The following PKHD1L1 variants were observed in gnomAD, a reference collection of about 807,000 sequenced individuals.
PKHD1L1 encodes fibrocystin-L.
Under a neutral mutation model 462.9 loss-of-function variants are expected in PKHD1L1, and 434 were observed. The ratio of observed to expected loss-of-function variants is 0.94; its 90% CI spans 0.87 to 1.02. PKHD1L1 has a LOEUF of 1.02. Among genes scored for constraint, PKHD1L1 ranks in the 50% least tolerant of loss-of-function variants. The pLI is 0.00. For synonymous variants in PKHD1L1, 1,781 were observed against 1,750.0 expected, an observed-to-expected ratio of 1.02 and a Z score of -0.44; for missense variants, 5,202 against 5,096.1, an observed-to-expected ratio of 1.02 and a Z score of -0.63.
Position 109,459,706 on chromosome 8 carries a change from A to G in PKHD1L1, c.7116A>G (p.Thr2372=). The G allele has an allele frequency of 6.2e-7, 1 of 1,612,018 alleles. No homozygotes were observed. The highest frequency in any genetic ancestry group is 1.1e-5 in the South Asian group (1 of 90,852). The change falls in exon 47 of 78, where the codon ACA becomes ACG. Residue 2372 remains threonine, a synonymous_variant. Transcript: ENST00000378402. ...ACACACACTTAGGAATTACGGTCAC[A>G]CTCCCTGATGGAACTCTGTTTGAAG... The part of the protein sequence containing the change: ...LNYTHLGITV[T]LPDGTLFEAR...
chr8:109,385,898 G>T (rs1287240012), intron 6 of PKHD1L1, among the ~76,000 whole-genome samples: 1 of 152,062 alleles, frequency 6.6e-6, no homozygotes, highest in Non-Finnish European at 1.5e-5. Context: ...ACACAGACAA[G>T]TCCAATAGTA....
chr8:109,482,479 T>C (rs1818320672), intron 56 of PKHD1L1, among the ~76,000 whole-genome samples: 1 of 151,810 alleles, frequency 6.6e-6, no homozygotes, highest in Admixed American at 6.6e-5. Context: ...ATGTTTTTTA[T>C]CTATGCCTAT....
rs1586679364 is a variant in PKHD1L1 at position 109,535,578 on chromosome 8, C to T, written c.*5488C>T. 1.3e-5 allele frequency among the ~76,000 whole-genome samples: 2 copies of T among 151,938 alleles called. No homozygotes were observed. Among genetic ancestry groups the T allele is most frequent in the Non-Finnish European group, 2.9e-5 (2 of 67,972 alleles). On this transcript the variant is annotated 3_prime_UTR_variant, in exon 78 of 78. Transcript: ENST00000378402. ...GGGCATGGGTGGTTAGAGGGAGATC[C>T]CCAAACAAACAATTCAAAATTAAGA...
intron 67 of PKHD1L1, among the ~76,000 whole-genome samples, chr8:109,502,334 T>C (rs1439405747): frequency 6.6e-6 from 1 of 152,200 alleles, no homozygotes; most frequent in Non-Finnish European, 1.5e-5. Flanking sequence ...GAACAGGTCC[T>C]GTGGAAGATA....
At chr8:109,529,972 T>TGGAGACAAGAA in intron 77 of PKHD1L1, 108 bp from the exon 78 acceptor site, 1 of 652,604 alleles carries the variant, frequency 1.5e-6, no homozygotes. Context: ...GAAATACTGC[T>TGGAGACAAGAA]AACTGTACCA....
At chr8:109,496,009 C>T (rs1783162) in intron 63 of PKHD1L1, among the ~76,000 whole-genome samples, 66,437 of 152,012 alleles carry the variant, frequency 0.44, 15,030 homozygotes, top group South Asian at 0.58. Flanking sequence ...TATTTCCTTT[C>T]ATTTTGAAAC....
rs946109616 is a variant in PKHD1L1, at chr8:109,491,162, C to T, written c.10114+61C>T. ...CTGTGGAGGCTTTCTTATCTATATA[C>T]TCTAGAGCTACACTGCCCAATTGAT... On this transcript the variant is annotated intron_variant, in intron 61 of 77. Coordinates refer to ENST00000378402, the MANE Select transcript of PKHD1L1 (RefSeq NM_177531.6). 2.0e-6 allele frequency: 3 copies of T among 1,487,610 alleles called. No homozygotes were observed. In the Admixed American group the frequency reaches 5.4e-5, roughly 27 times the overall value. The allele number at this position is 1,487,610 out of a possible 1,614,324, so 92.2% of individuals were successfully genotyped here.
At chr8:109,377,551 A>G (rs1440969200) in intron 2 of PKHD1L1, among the ~76,000 whole-genome samples, 1 of 152,168 alleles carries the variant, frequency 6.6e-6, no homozygotes, top group African/African-American at 2.4e-5. Context: ...ACTGTTAAGA[A>G]CCTGTGATAG....
At chr8:109,520,031 T>G (rs1820468201) in intron 73 of PKHD1L1, among the ~76,000 whole-genome samples, 1 of 152,134 alleles carries the variant, frequency 6.6e-6, no homozygotes, top group African/African-American at 2.4e-5. Context: ...ACTCTGGAAT[T>G]CTATCAGCTA....
chr8:109,532,050 A>G lies in PKHD1L1; in HGVS notation c.*1960A>G, dbSNP rs545026008. 6.6e-6 allele frequency among the ~76,000 whole-genome samples: 1 copy of G among 152,320 alleles called. No individual in the cohort carries two copies. The highest frequency in any genetic ancestry group is 1.5e-5 in the Non-Finnish European group (1 of 68,036). ...TTTGGGTTCTGGAAGAGATACAAAA[A>G]TATTCTTCACACCAGAACATTGTAA... On this transcript the variant is annotated 3_prime_UTR_variant, in exon 78 of 78. Transcript: ENST00000378402.
intron 23 of PKHD1L1, among the ~76,000 whole-genome samples, chr8:109,424,065 T>C (rs1472760053): frequency 6.6e-6 from 1 of 152,186 alleles, no homozygotes; most frequent in African/African-American, 2.4e-5. Context: ...CACACCCAAA[T>C]GAAGATAATC....
At chr8:109,484,981 T>A (rs1259037455) in intron 57 of PKHD1L1, 63 bp from the exon 58 acceptor site, 1 of 1,305,774 alleles carries the variant, frequency 7.7e-7, no homozygotes, top group Non-Finnish European at 1.0e-6. Flanking sequence ...TTAATAATGA[T>A]ATCAAGAAAT....
rs868163427 is a variant in PKHD1L1 at position 109,502,597 on chromosome 8, G to A, written c.10829-1730G>A. 7.2e-5 allele frequency among the ~76,000 whole-genome samples: 11 copies of A among 152,184 alleles called. No homozygotes were observed. In the East Asian group the frequency reaches 1.9e-3, roughly 27 times the overall value. On this transcript the variant is annotated intron_variant, in intron 67 of 77. Transcript: ENST00000378402. ...ACCCAACCATCTCTTAAGTTGTAAGGTTCCTCTGATCTTACACTTAGATCC... is the reference window on the plus strand; with the variant it reads ...ACCCAACCATCTCTTAAGTTGTAAGATTCCTCTGATCTTACACTTAGATCC...
At position 109,412,265 on chromosome 8, in the gene PKHD1L1, G is replaced by A. The variant is rs1377398368; in HGVS notation, c.2086G>A (p.Glu696Lys). The A allele has an allele frequency of 6.2e-7, 1 of 1,612,414 alleles. No individual in the cohort carries two copies. Among genetic ancestry groups the A allele is most frequent in the Non-Finnish European group, 8.5e-7 (1 of 1,179,322 alleles). Residue 696 changes from glutamate (E) to lysine (K), a missense_variant and splice_region_variant, in exon 20 of 78, where the codon GAA (glutamate) becomes AAA (lysine). Glu to Lys is a moderately conservative substitution (Grantham distance 56). This residue lies in a region of PKHD1L1 where 4,497 missense variants were observed against 4,336.8 expected (regional missense o/e 1.04). Transcript: ENST00000378402. ...ATTTGAAATATTATTGTTTCGGTAG[G>A]AACATATTAACAGAGGGCAGAAGAC... Reference protein sequence around the residue: ...FRDYETDFNLEHINRGQKTAE... With the variant: ...FRDYETDFNLKHINRGQKTAE...
chr8:109,445,381 C>T lies in PKHD1L1; in HGVS notation c.5512C>T (p.Pro1838Ser), dbSNP rs758884975. The T allele has an allele frequency of 6.2e-7, 1 of 1,613,946 alleles. No homozygotes were observed. The highest frequency in any genetic ancestry group is 8.5e-7 in the Non-Finnish European group (1 of 1,179,884). The change falls in exon 38 of 78, where the codon CCA (proline) becomes TCA (serine). Residue 1838 changes from proline to serine, a missense_variant. This residue lies in a region of PKHD1L1 where 4,497 missense variants were observed against 4,336.8 expected (regional missense o/e 1.04). Transcript: ENST00000378402. ...VSSPPVASLS[P>S]TSGSIGGGTT... The stretch of plus-strand genomic sequence containing the variant: ...CAGCCCCCCAGTAGCATCTCTATCA[C>T]CAACTTCTGGAAGCATTGGTGGTGG...
chr8:109,435,563 C>T (rs868189998), intron 29 of PKHD1L1, among the ~76,000 whole-genome samples: 1 of 152,198 alleles, frequency 6.6e-6, no homozygotes, highest in Non-Finnish European at 1.5e-5. Flanking sequence ...CTTATACTTA[C>T]ATCTTAGGTT....
intron 50 of PKHD1L1, among the ~76,000 whole-genome samples, chr8:109,473,108 G>A (rs1817806849): frequency 6.6e-6 from 1 of 152,076 alleles, no homozygotes; most frequent in African/African-American, 2.4e-5. Context: ...TGAAATGAGT[G>A]CAGCTTAAAA....
chr8:109,368,734 C>T (rs2130318101), intron 2 of PKHD1L1, among the ~76,000 whole-genome samples: 1 of 152,278 alleles, frequency 6.6e-6, no homozygotes, highest in East Asian at 1.9e-4. Flanking sequence ...CTGACATTTT[C>T]CATGATAGCA....
intron 68 of PKHD1L1, 36 bp from the exon 69 acceptor site, chr8:109,507,627 A>T (rs747466593): frequency 4.5e-6 from 7 of 1,550,856 alleles, no homozygotes; most frequent in Non-Finnish European, 6.2e-6. Flanking sequence ...TGCTCTCTAG[A>T]AACAATGAAC....
Sources: allele counts gnomAD v4.1 joint callset (sites outside exome capture counted in the v4.1 genomes callset), GRCh38; gene constraint gnomAD v4.1.1; regional missense constraint gnomAD v4.1.1; transcripts MANE v1.5; gene names NCBI Gene and HGNC (gene_info 2026-07-23, HGNC 2026-07-21).